The following SCN2A variants were observed in gnomAD, a reference collection of about 807,000 sequenced individuals.
SCN2A encodes the protein sodium channel protein type 2 subunit alpha.
In SCN2A, 20 loss-of-function variants were observed where a neutral mutation model predicts 188.7. The ratio of observed to expected loss-of-function variants is 0.11; its 90% confidence interval spans 0.07 to 0.15. The LOEUF is 0.15. Ranked by LOEUF, SCN2A falls within the 10% of genes least tolerant of loss-of-function variation. SCN2A has a pLI of 1.00. For missense variants in SCN2A, 1,278 were observed against 2,445.0 expected (o/e 0.52, Z 10.07); for synonymous variants, 804 against 833.1 (o/e 0.97, Z 0.60).
chr2:165,315,776 C>T lies in SCN2A; in HGVS notation c.1671+18C>T, dbSNP rs1398748653. 1 of 1,607,162 alleles carries T rather than the reference C, an allele frequency of 6.2e-7. No individual in the cohort carries two copies. Among genetic ancestry groups the T allele is most frequent in the Non-Finnish European group, 8.5e-7 (1 of 1,175,870 alleles). On this transcript the variant is annotated intron_variant, in intron 11 of 26. Coordinates refer to ENST00000375437, the MANE Select transcript of SCN2A (RefSeq NM_001040142.2). Reference sequence around the variant, plus strand: ...CACACCAGGTAAAAATATTAAATTACATGAATTGTGTTCTCATAAATTTTT... The same window carrying T: ...CACACCAGGTAAAAATATTAAATTATATGAATTGTGTTCTCATAAATTTTT...
At chr2:165,256,258 G>T (rs1694320910) in intron 1 of SCN2A, among the ~76,000 whole-genome samples, 5 of 152,032 alleles carry the variant, frequency 3.3e-5, no homozygotes, top group Admixed American at 1.3e-4. Flanking sequence ...ACCCACCTCG[G>T]CCTCCCAAAG....
chr2:165,388,542 A>G (rs553916176), intron 26 of SCN2A, 87 bp from the exon 27 acceptor site: 1 of 1,573,560 alleles, frequency 6.4e-7, no homozygotes, highest in African/African-American at 1.4e-5. Context: ...TCCTGTTCAC[A>G]TTTTGTAAAA....
At chr2:165,248,793 CT>C (rs1210438754) in intron 1 of SCN2A, among the ~76,000 whole-genome samples, 1 of 152,046 alleles carries the variant, frequency 6.6e-6, no homozygotes, top group Non-Finnish European at 1.5e-5. Context: ...ACTTCCTGAT[CT>C]ATAGAAGAGA....
chr2:165,373,037 G>C lies in SCN2A; in HGVS notation c.3850-188G>C, dbSNP rs901321717. 7 of 574,042 alleles carry C rather than the reference G, an allele frequency of 1.2e-5. No homozygotes were observed. In the Admixed American group the frequency reaches 1.3e-4, roughly 11 times the overall value. 35.6% of individuals were successfully genotyped at this position (574,042 alleles called of 1,614,324 possible). A position where few individuals can be genotyped will look rare whatever the true frequency, so the allele number is the denominator to read the frequency against. The stretch of plus-strand genomic sequence containing the variant: ...CTTCACCCTGGGAACCTGTAGAAAT[G>C]CAAATTCTTAGGCCTTTCCCCAAAC... On this transcript the variant is annotated intron_variant, in intron 20 of 26. Transcript: ENST00000375437.
intron 1 of SCN2A, among the ~76,000 whole-genome samples, chr2:165,282,925 T>C (rs1695645694): frequency 6.6e-6 from 1 of 152,138 alleles, no homozygotes; most frequent in African/African-American, 2.4e-5. Context: ...GAGGAAGGAA[T>C]CAAGGATGGC....
intron 1 of SCN2A, among the ~76,000 whole-genome samples, chr2:165,257,590 G>C (rs1694384619): frequency 6.6e-6 from 1 of 152,092 alleles, no homozygotes; most frequent in Non-Finnish European, 1.5e-5. Flanking sequence ...CCAGGCTGGA[G>C]TGCAGCGGCG....
At chr2:165,267,372 G>T (rs900091773) in intron 1 of SCN2A, 5 of 151,972 alleles carry the variant, frequency 3.3e-5, no homozygotes, top group Admixed American at 2.0e-4. Flanking sequence ...TTTGACAAAA[G>T]TACCAAGAAC....
chr2:165,315,323 T>C (rs1697672873), intron 10 of SCN2A, 148 bp from the exon 11 acceptor site: 20 of 1,303,004 alleles, frequency 1.5e-5, no homozygotes, highest in Non-Finnish European at 2.0e-5. Flanking sequence ...ATTGGTCTAA[T>C]AACAATGTAC....
chr2:165,361,343 A>G (rs1179915548), intron 17 of SCN2A, among the ~76,000 whole-genome samples: 1 of 152,018 alleles, frequency 6.6e-6, no homozygotes, highest in Non-Finnish European at 1.5e-5. Flanking sequence ...GAAATCAACA[A>G]TATCATAAGC....
At chr2:165,266,900 A>T (rs1282033880) in intron 1 of SCN2A, 1 of 152,128 alleles carries the variant, frequency 6.6e-6, no homozygotes, top group African/African-American at 2.4e-5. Flanking sequence ...AGAAGTCAAG[A>T]CAACAATATC....
chr2:165,329,829 A>G (rs1314284417), intron 13 of SCN2A, among the ~76,000 whole-genome samples: 1 of 152,156 alleles, frequency 6.6e-6, no homozygotes, highest in Non-Finnish European at 1.5e-5. Context: ...CATAATAACT[A>G]TATTTTTCTC....
chr2:165,343,765 T>C (rs1397603863), intron 15 of SCN2A, among the ~76,000 whole-genome samples: 2 of 152,176 alleles, frequency 1.3e-5, no homozygotes, highest in African/African-American at 4.8e-5. Context: ...CACACTACAC[T>C]GAATTAAGTC....
chr2:165,241,531 A>C (rs191833543), intron 1 of SCN2A, among the ~76,000 whole-genome samples: 1 of 152,354 alleles, frequency 6.6e-6, no homozygotes, highest in East Asian at 1.9e-4. Flanking sequence ...TATCTTGAGA[A>C]AAGAAAGGGA....
chr2:165,306,402 A>T (rs1018780165), intron 3 of SCN2A, among the ~76,000 whole-genome samples: 2 of 151,854 alleles, frequency 1.3e-5, no homozygotes, highest in African/African-American at 4.8e-5. Flanking sequence ...AGCACAGGGG[A>T]CCCTCTAGTT....
chr2:165,265,549 C>A (rs189007874), intron 1 of SCN2A, among the ~76,000 whole-genome samples: 1 of 112,942 alleles, frequency 8.9e-6, no homozygotes, highest in Non-Finnish European at 1.7e-5. Flanking sequence ...TTAATTAGAT[C>A]ATAATCTTTT....
chr2:165,361,855 G>A (rs1700475205), intron 17 of SCN2A, among the ~76,000 whole-genome samples: 1 of 151,898 alleles, frequency 6.6e-6, no homozygotes, highest in African/African-American at 2.4e-5. Flanking sequence ...CTCACATTAG[G>A]TCCGAATAAT....
intron 14 of SCN2A, among the ~76,000 whole-genome samples, chr2:165,338,703 C>A (rs1699147609): frequency 6.6e-6 from 1 of 152,044 alleles, no homozygotes; most frequent in African/African-American, 2.4e-5. Flanking sequence ...ATAAATACTT[C>A]TTAAACATGT....
intron 1 of SCN2A, among the ~76,000 whole-genome samples, chr2:165,285,063 G>A (rs1265713130): frequency 1.3e-5 from 2 of 152,152 alleles, no homozygotes; most frequent in East Asian, 3.8e-4. Context: ...TCTATACACT[G>A]AATCATATTT....
intron 3 of SCN2A, among the ~76,000 whole-genome samples, chr2:165,298,413 G>A (rs1280275599): frequency 6.6e-6 from 1 of 152,186 alleles, no homozygotes; most frequent in East Asian, 1.9e-4. Flanking sequence ...TATGGCAAAT[G>A]TTGTCTTTAG....
Sources: gnomAD v4.1 joint callset for allele counts (sites outside exome capture counted in the v4.1 genomes callset) on GRCh38, gnomAD v4.1.1 for gene constraint, MANE v1.5 for transcripts, NCBI Gene and HGNC (gene_info 2026-07-23, HGNC 2026-07-21) for gene names.